Variants in PPP1R13L observed in about 807,000 individuals in gnomAD.
PPP1R13L encodes the protein relA-associated inhibitor.
A neutral mutation model predicts 80.9 loss-of-function variants in PPP1R13L; 50 were observed. That is an observed-to-expected ratio of 0.62 (90% CI 0.49 to 0.78). PPP1R13L has a LOEUF of 0.78. Ranked by LOEUF, PPP1R13L falls within the 30% of genes least tolerant of loss-of-function variation. The pLI is 0.00. For synonymous variants in PPP1R13L, 602 were observed against 534.3 expected (o/e 1.13, Z -1.75); for missense variants, 1,200 against 1,205.9 (o/e 1.00, Z 0.07).
In PPP1R13L at chr19:45,396,226, C is replaced by T. The variant is rs1301629061; in HGVS notation, c.845G>A (p.Ser282Asn). 1 of 1,610,402 alleles carries T rather than the reference C, an allele frequency of 6.2e-7. No individual in the cohort carries two copies. The highest frequency in any genetic ancestry group is 2.2e-5 in the East Asian group (1 of 44,800). The part of the protein sequence containing the change: ...LDVFARPASP[S>N]LQLLPWRESS... ...CTCCCTCCAAGGCAACAGCTGCAGGCTCGGCGAGGCAGGCCTTGCGAAGAC... is the reference window on the plus strand; with the variant it reads ...CTCCCTCCAAGGCAACAGCTGCAGGTTCGGCGAGGCAGGCCTTGCGAAGAC... The change falls in exon 6 of 13, where the codon AGC becomes AAC. Residue 282 changes from serine (S) to asparagine (N), a missense_variant. Transcript: ENST00000360957. The surrounding 1 kb of genome is among the most constrained non-coding windows in gnomAD (Gnocchi z 5.3).
chr19:45,389,774 T>C (rs1972933551), intron 8 of PPP1R13L, among the ~76,000 whole-genome samples: 1 of 151,638 alleles, frequency 6.6e-6, no homozygotes, highest in Admixed American at 6.6e-5. Flanking sequence ...CTCACTTGTT[T>C]TTATTTATTT....
intron 8 of PPP1R13L, among the ~76,000 whole-genome samples, chr19:45,390,177 G>A (rs535934360): frequency 1.3e-5 from 2 of 152,164 alleles, no homozygotes; most frequent in East Asian, 1.9e-4. Flanking sequence ...TGCAACCTCC[G>A]CCTTCCGGGT....
intron 12 of PPP1R13L, among the ~76,000 whole-genome samples, chr19:45,381,480 T>TTCTTC (rs1382448515): frequency 2.6e-5 from 4 of 152,110 alleles, no homozygotes; most frequent in Non-Finnish European, 4.4e-5. Context: ...TAAAATGAGA[T>TTCTTC]TCTTCTTTGT....
chr19:45,391,179 T>C (rs1443543312), intron 8 of PPP1R13L, among the ~76,000 whole-genome samples: 6 of 141,066 alleles, frequency 4.3e-5, no homozygotes, highest in Admixed American at 3.6e-4. Flanking sequence ...GCCTGAGTGA[T>C]GGAGCAAGAC....
chr19:45,395,228 C>T (rs1973057179), intron 7 of PPP1R13L: 1 of 641,556 alleles, frequency 1.6e-6, no homozygotes, highest in African/African-American at 1.8e-5. Context: ...TGGAACCAGG[C>T]AGTCTGGCTT....
At chr19:45,395,977 G>A in intron 6 of PPP1R13L, 91 bp from the exon 7 acceptor site, 1 of 1,321,194 alleles carries the variant, frequency 7.6e-7, no homozygotes, top group Non-Finnish European at 1.0e-6. Context: ...GAGGAGGTGA[G>A]GGAAGCCCTG....
rs1438432220 is a variant in PPP1R13L at position 45,396,502 on chromosome 19, G to A, written c.712+43C>T. ...GCGAGCCCCGGATCCTGCCCGCTTT[G>A]ACCCCGCGAGTCAAAGGCCCCGCGA... On this transcript the variant is annotated intron_variant, in intron 4 of 12. Transcript: ENST00000360957. This position sits in a 1 kb window ranked among gnomAD's most constrained non-coding sequence, Gnocchi z 5.3. 1 of 1,605,768 alleles carries A rather than the reference G, an allele frequency of 6.2e-7. No homozygotes were observed. The highest frequency in any genetic ancestry group is 1.7e-5 in the Admixed American group (1 of 59,302).
At chr19:45,404,315 C>T (rs1973286225) in intron 1 of PPP1R13L, among the ~76,000 whole-genome samples, 1 of 152,188 alleles carries the variant, frequency 6.6e-6, no homozygotes, top group Admixed American at 6.5e-5. Flanking sequence ...AGCCCACCTC[C>T]GCCAGGGGGT....
chr19:45,391,875 C>T lies in PPP1R13L; in HGVS notation c.1815+5G>A. The T allele has an allele frequency of 1.4e-6, 2 of 1,471,778 alleles. No homozygotes were observed. Among genetic ancestry groups the T allele is most frequent in the East Asian group, 2.4e-5 (1 of 41,370 alleles). The allele number at this position is 1,471,778 out of a possible 1,614,324, so 91.2% of individuals were successfully genotyped here. ...CATACCCCGGTTTCCTCCTGTATTA[C>T]TTACCATGCTCTGCGGCTGCTCTGG... On this transcript the variant is annotated splice_donor_5th_base_variant and intron_variant, in intron 8 of 12. Transcript: ENST00000360957.
intron 1 of PPP1R13L, among the ~76,000 whole-genome samples, chr19:45,404,519 T>C: frequency 6.6e-6 from 1 of 152,132 alleles, no homozygotes; most frequent in Admixed American, 6.5e-5. Flanking sequence ...CGGGTACCTG[T>C]CCTGCTCCAC....
At chr19:45,393,436 C>CA (rs1212031802) in intron 7 of PPP1R13L, among the ~76,000 whole-genome samples, 1 of 150,072 alleles carries the variant, frequency 6.7e-6, no homozygotes, top group Non-Finnish European at 1.5e-5. Flanking sequence ...ACTAAAAACA[C>CA]AAAAAATTAG....
Position 45,396,154 on chromosome 19 carries a change from C to A in PPP1R13L, c.903+14G>T, listed in dbSNP as rs547120832. On this transcript the variant is annotated intron_variant, in intron 6 of 12. Transcript: ENST00000360957. The surrounding 1 kb of genome is among the most constrained non-coding windows in gnomAD (Gnocchi z 5.3). ...CCTTCCCCAGCCTCTCCTCCCCAGG[C>A]GTCGCCTCCTCACCTTGCCGGTGCC... The A allele has an allele frequency of 6.9e-6, 11 of 1,594,230 alleles. No individual in the cohort carries two copies. The African/African-American group carries it at 1.5e-4, about 21-fold the overall frequency.
chr19:45,390,899 A>G (rs561608998), intron 8 of PPP1R13L, among the ~76,000 whole-genome samples: 8 of 152,220 alleles, frequency 5.3e-5, no homozygotes, highest in African/African-American at 1.2e-4. Context: ...TCACTATTTT[A>G]TAAGAGGAGA....
intron 3 of PPP1R13L, among the ~76,000 whole-genome samples, chr19:45,397,395 CCT>C (rs952398294): frequency 3.3e-5 from 5 of 149,738 alleles, no homozygotes; most frequent in East Asian, 3.9e-4. Context: ...TTCTTTCTTT[CCT>C]CTCTCTCCTT....
In PPP1R13L at chr19:45,395,426, G is replaced by T; in HGVS notation, c.1354+10C>A. On this transcript the variant is annotated intron_variant, in intron 7 of 12. Transcript: ENST00000360957. ...CACCCAGTCCTCTAGGGCCCTCATT[G>T]CTGACTCACCTTCGTTCACAGGGGG... 6.4e-7 allele frequency: 1 copy of T among 1,560,912 alleles called. No homozygotes were observed.
intron 1 of PPP1R13L, among the ~76,000 whole-genome samples, chr19:45,399,454 C>G (rs143495058): frequency 0.018 from 2,754 of 149,942 alleles, 92 homozygotes; most frequent in African/African-American, 0.064. Context: ...GAAACCCCGT[C>G]TCTACTAAAA....
At chr19:45,405,768 T>C (rs771040176), upstream of PPP1R13L, among the ~76,000 whole-genome samples, 1 of 152,182 alleles carries the variant, frequency 6.6e-6, no homozygotes, top group Non-Finnish European at 1.5e-5. Flanking sequence ...GCTGACACAC[T>C]GGCCAGGAAT....
chr19:45,388,200 A>C (rs988874037), intron 8 of PPP1R13L, among the ~76,000 whole-genome samples: 6 of 151,082 alleles, frequency 4.0e-5, no homozygotes. Context: ...GACTAGAAGG[A>C]AATATTCAAA....
chr19:45,380,308 C>G (rs925225987), intron 12 of PPP1R13L, 80 bp from the exon 13 acceptor site: 5 of 1,541,376 alleles, frequency 3.2e-6, no homozygotes, highest in Non-Finnish European at 3.6e-6. Flanking sequence ...TGTCTCTATC[C>G]TCCCACCCCT....
Sources: gnomAD v4.1 joint callset for allele counts (sites outside exome capture counted in the v4.1 genomes callset) on GRCh38, gnomAD v4.1.1 for gene constraint, Gnocchi (gnomAD v3.1) non-coding constraint, MANE v1.5 for transcripts, NCBI Gene and HGNC (gene_info 2026-07-23, HGNC 2026-07-21) for gene names.